The following NPTX2 variants were observed in gnomAD, a reference collection of about 807,000 sequenced individuals.
NPTX2 encodes neuronal pentraxin-2.
Under a neutral mutation model 38.1 loss-of-function variants are expected in NPTX2, and 23 were observed. The ratio of observed to expected loss-of-function variants is 0.60; its 90% CI spans 0.43 to 0.85. The LOEUF (loss-of-function observed/expected upper bound fraction) is 0.85. Ranked by LOEUF, NPTX2 falls within the 40% of genes least tolerant of loss-of-function variation. The pLI is 0.00. For synonymous variants in NPTX2, 291 were observed against 287.3 expected (o/e 1.01, Z -0.13); for missense variants, 553 against 615.3 (o/e 0.90, Z 1.07).
At position 98,619,856 on chromosome 7, in the gene NPTX2, C is replaced by T. The variant is rs759172588; in HGVS notation, c.640C>T (p.Arg214Ter). 2 of 1,613,334 alleles carry T rather than the reference C, an allele frequency of 1.2e-6. No homozygotes were observed. The highest frequency in any genetic ancestry group is 8.5e-7 in the Non-Finnish European group (1 of 1,179,764). Residue 214 changes from arginine to a stop codon, truncating the protein, a stop_gained, in exon 2 of 5, where the codon CGA (arginine) becomes TGA (stop). Coordinates refer to ENST00000265634, the MANE Select transcript of NPTX2 (RefSeq NM_002523.3). LOFTEE classifies it high-confidence loss of function. ...ALLQRVTELE[R>*]GNSAFKSPDA... ...GCTGCAGAGGGTCACCGAGCTGGAG[C>T]GAGGTGTGTGCCTGGCCTGTTTCTC...
At chr7:98,624,890 C>A in intron 2 of NPTX2, 32 bp from the exon 3 acceptor site, 1 of 1,592,468 alleles carries the variant, frequency 6.3e-7, no homozygotes, top group Admixed American at 1.7e-5. Flanking sequence ...TGGCCTAACG[C>A]ACTCCTGGCC....
Position 98,619,908 on chromosome 7 carries a change from A to G in NPTX2, c.643+49A>G, listed in dbSNP as rs753749984. On this transcript the variant is annotated intron_variant, in intron 2 of 4. Transcript: ENST00000265634. The stretch of plus-strand genomic sequence containing the variant: ...GTCTGGCAGTGGCCTGATTTTCACC[A>G]CTTGTGGTCAGACATGCGATTCTGG... 2.2e-5 allele frequency: 33 copies of G among 1,525,748 alleles called. No individual in the cohort carries two copies. The Admixed American group carries it at 4.5e-4, about 21-fold the overall frequency. The allele number at this position is 1,525,748 out of a possible 1,614,324, so 94.5% of individuals were successfully genotyped here. A position where few individuals can be genotyped will look rare whatever the true frequency, so the allele number is the denominator to read the frequency against.
In NPTX2 at chr7:98,628,673, A is replaced by C; in HGVS notation, c.*44A>C. On this transcript the variant is annotated 3_prime_UTR_variant, in exon 5 of 5. Transcript: ENST00000265634. ...AGGAGGCCGGGATCAGGCTGTTGCC[A>C]TGGAAGTTCAGGGCCATAGACTGCC... 2 of 967,080 alleles carry C rather than the reference A, an allele frequency of 2.1e-6. No individual in the cohort carries two copies. The highest frequency in any genetic ancestry group is 3.1e-6 in the Non-Finnish European group (2 of 645,186). The allele number at this position is 967,080 out of a possible 1,614,324, so 59.9% of individuals were successfully genotyped here.
chr7:98,623,530 G>A (rs967354538), intron 2 of NPTX2, among the ~76,000 whole-genome samples: 6 of 152,164 alleles, frequency 3.9e-5, no homozygotes, highest in Non-Finnish European at 7.3e-5. Context: ...AGACACCTGC[G>A]GTTGCCCTGC....
At chr7:98,619,051 C>T (rs1367148331) in intron 1 of NPTX2, among the ~76,000 whole-genome samples, 2 of 152,156 alleles carry the variant, frequency 1.3e-5, no homozygotes, top group African/African-American at 4.8e-5. Flanking sequence ...CATGGGTAGG[C>T]AGCCTGCCAC....
At chr7:98,622,163 G>A (rs1450226985) in intron 2 of NPTX2, among the ~76,000 whole-genome samples, 3 of 152,202 alleles carry the variant, frequency 2.0e-5, no homozygotes, top group Admixed American at 1.3e-4. Flanking sequence ...GCCCCAGGCT[G>A]CCCACCCCCT....
At chr7:98,626,829 CTCG>C (rs1791358263) in intron 3 of NPTX2, among the ~76,000 whole-genome samples, 1 of 152,210 alleles carries the variant, frequency 6.6e-6, no homozygotes, top group African/African-American at 2.4e-5. Flanking sequence ...ATGAGGATCT[CTCG>C]TCTGTTTTCC....
chr7:98,617,519 A>G lies in NPTX2; in HGVS notation c.58A>G (p.Ser20Gly). Residue 20 changes from serine to glycine, a missense_variant, in exon 1 of 5, where the codon AGC becomes GGC. Coordinates refer to ENST00000265634, the MANE Select transcript of NPTX2 (RefSeq NM_002523.3). ...ALAVAAGAQDSPAPGSRFVCT... is the reference protein window; with the variant it reads ...ALAVAAGAQDGPAPGSRFVCT... ...CGCCGTGGCCGCTGGGGCCCAGGAC[A>G]GCCCGGCGCCCGGTAGCCGCTTCGT... The G allele has an allele frequency of 7.2e-7, 1 of 1,394,286 alleles. No individual in the cohort carries two copies. 86.4% of individuals were successfully genotyped at this position (1,394,286 alleles called of 1,614,324 possible).
chr7:98,619,709 C>G lies in NPTX2; in HGVS notation c.493C>G (p.Arg165Gly). 1 of 1,613,244 alleles carries G rather than the reference C, an allele frequency of 6.2e-7. No individual in the cohort carries two copies. Among genetic ancestry groups the G allele is most frequent in the Non-Finnish European group, 8.5e-7 (1 of 1,180,018 alleles). Reference sequence around the variant, plus strand: ...CGACTTCCGCGAGGTGCTCCAGCAGCGGCTGGGGGAGCTGGAGAGGCAGCT... The same window carrying G: ...CGACTTCCGCGAGGTGCTCCAGCAGGGGCTGGGGGAGCTGGAGAGGCAGCT... ...PGDFREVLQQ[R>G]LGELERQLLR... is the part of the protein sequence containing the mutation. Residue 165 changes from arginine to glycine, a missense_variant, in exon 2 of 5, where the codon CGG (arginine) becomes GGG (glycine). By Grantham distance (125) the Arg-to-Gly change is moderately radical (BLOSUM62 -2). Transcript: ENST00000265634.
rs1791322355 is a variant in NPTX2 at position 98,624,907 on chromosome 7, C to T, written c.644-15C>T. The T allele has an allele frequency of 1.2e-6, 2 of 1,601,644 alleles. No individual in the cohort carries two copies. The highest frequency in any genetic ancestry group is 1.7e-6 in the Non-Finnish European group (2 of 1,170,632). ...GCCTAACGCACTCCTGGCCTCTCTT[C>T]CTCCCAACCCCCAGGCAATAGCGCC... On this transcript the variant is annotated splice_polypyrimidine_tract_variant and intron_variant, in intron 2 of 4. Coordinates refer to ENST00000265634, the MANE Select transcript of NPTX2 (RefSeq NM_002523.3).
In NPTX2 at chr7:98,617,618, C is replaced by T. The variant is rs1382950707; in HGVS notation, c.157C>T (p.Gln53Ter). The stretch of plus-strand genomic sequence containing the variant: ...CGCGATGCCCATGCAGGGCGGCGCG[C>T]AGAGTCCCGAGGAGGAGCTGAGGGC... Reference protein sequence around the residue: ...LPAMPMQGGAQSPEEELRAAV... With the variant: ...LPAMPMQGGA The change falls in exon 1 of 5, where the codon CAG (glutamine) becomes TAG (stop). Residue 53 changes from glutamine to a stop codon, truncating the protein, a stop_gained. Transcript: ENST00000265634. LOFTEE classifies it high-confidence loss of function. 3 of 1,491,116 alleles carry T rather than the reference C, an allele frequency of 2.0e-6. No individual in the cohort carries two copies. Among genetic ancestry groups the T allele is most frequent in the East Asian group, 2.8e-5 (1 of 35,254 alleles). The allele number at this position is 1,491,116 out of a possible 1,614,324, so 92.4% of individuals were successfully genotyped here. A position where few individuals can be genotyped will look rare whatever the true frequency, so the allele number is the denominator to read the frequency against.
rs190931156 is a variant in NPTX2, at chr7:98,626,514, G to A, written c.889-651G>A. ...ACCCTATGACACAGTGGGGCTAAGA[G>A]CCTTGTTGTCCTCTGGGTTTGGACG... On this transcript the variant is annotated intron_variant, in intron 3 of 4. Coordinates refer to ENST00000265634, the MANE Select transcript of NPTX2 (RefSeq NM_002523.3). Among the ~76,000 whole-genome samples, 39 of 152,330 alleles carry A rather than the reference G, an allele frequency of 2.6e-4. 1 individual carries two copies. In the East Asian group the frequency reaches 7.1e-3, roughly 28 times the overall value.
At chr7:98,626,044 G>A (rs551484265) in intron 3 of NPTX2, among the ~76,000 whole-genome samples, 11 of 151,748 alleles carry the variant, frequency 7.2e-5, no homozygotes, top group Admixed American at 1.3e-4. Flanking sequence ...TACTCGGGAG[G>A]CTGAGGCAGG....
rs1458714911 is a variant in NPTX2 at position 98,627,273 on chromosome 7, G to A, written c.997G>A (p.Gly333Ser). 1 of 1,613,932 alleles carries A rather than the reference G, an allele frequency of 6.2e-7. No homozygotes were observed. Among genetic ancestry groups the A allele is most frequent in the Non-Finnish European group, 8.5e-7 (1 of 1,179,858 alleles). ...WEAFQDGEKL[G>S]TGENLAPWHP... Reference sequence around the variant, plus strand: ...GGCATTCCAGGACGGAGAGAAGCTGGGCACTGGGGAGAACCTGGCCCCCTG... The same window carrying A: ...GGCATTCCAGGACGGAGAGAAGCTGAGCACTGGGGAGAACCTGGCCCCCTG... The change falls in exon 4 of 5, where the codon GGC becomes AGC. Residue 333 changes from glycine (G) to serine (S), a missense_variant. Transcript: ENST00000265634.
chr7:98,617,438 G>A lies in NPTX2; in HGVS notation c.-24G>A. On this transcript the variant is annotated 5_prime_UTR_variant, in exon 1 of 5. Coordinates refer to ENST00000265634, the MANE Select transcript of NPTX2 (RefSeq NM_002523.3). ...GACGGCGCCCGCTCGCCCATGCCGA[G>A]CTGAGCGCGGCAGCGGCGGCGGGAT... The A allele has an allele frequency of 1.1e-6, 1 of 898,006 alleles. No individual in the cohort carries two copies. Among genetic ancestry groups the A allele is most frequent in the Non-Finnish European group, 1.4e-6 (1 of 693,948 alleles). 55.6% of individuals were successfully genotyped at this position (898,006 alleles called of 1,614,324 possible). A position where few individuals can be genotyped will look rare whatever the true frequency, so the allele number is the denominator to read the frequency against.
intron 3 of NPTX2, among the ~76,000 whole-genome samples, chr7:98,626,950 G>A (rs944201853): frequency 2.0e-5 from 3 of 152,306 alleles, no homozygotes; most frequent in South Asian, 2.1e-4. Context: ...CCTCAGCCAC[G>A]CCAGGCACCA....
rs1308263200 is a variant in NPTX2, at chr7:98,628,567, G to A, written c.1234G>A (p.Val412Met). The change falls in exon 5 of 5, where the codon GTG becomes ATG. Residue 412 changes from valine (V) to methionine (M), a missense_variant. By Grantham distance (21) the Val-to-Met change is conservative. Transcript: ENST00000265634. ...CCCGTGGGTGGACAATAACGTCGATGTGTTCGGAGGGGCCTCCAAGTGGCC... is the reference window on the plus strand; with the variant it reads ...CCCGTGGGTGGACAATAACGTCGATATGTTCGGAGGGGCCTCCAAGTGGCC... The part of the protein sequence containing the change: ...IIPWVDNNVD[V>M]FGGASKWPVE... 1.2e-6 allele frequency: 2 copies of A among 1,608,940 alleles called. No individual in the cohort carries two copies. Among genetic ancestry groups the A allele is most frequent in the Non-Finnish European group, 1.7e-6 (2 of 1,176,894 alleles).
In NPTX2 at chr7:98,617,550, C is replaced by T; in HGVS notation, c.89C>T (p.Thr30Met). The T allele has an allele frequency of 6.9e-7, 1 of 1,452,734 alleles. No homozygotes were observed. The highest frequency in any genetic ancestry group is 9.0e-7 in the Non-Finnish European group (1 of 1,107,512). The allele number at this position is 1,452,734 out of a possible 1,614,324, so 90.0% of individuals were successfully genotyped here. Residue 30 changes from threonine to methionine, a missense_variant, in exon 1 of 5, where the codon ACG (threonine) becomes ATG (methionine). Thr to Met is a moderately conservative substitution (Grantham distance 81). Transcript: ENST00000265634. ...GCGCCCGGTAGCCGCTTCGTGTGCA[C>T]GGCACTGCCCCCAGAGGCGGTGCAC... ...SPAPGSRFVC[T>M]ALPPEAVHAG...
At position 98,619,679 on chromosome 7, in the gene NPTX2, C is replaced by G; in HGVS notation, c.463C>G (p.Pro155Ala). Residue 155 changes from proline (P) to alanine (A), a missense_variant, in exon 2 of 5, where the codon CCC becomes GCC. Coordinates refer to ENST00000265634, the MANE Select transcript of NPTX2 (RefSeq NM_002523.3). ...LRANVSNAGL[P>A]GDFREVLQQR... The stretch of plus-strand genomic sequence containing the variant: ...AGCAAACGTGTCCAATGCTGGGCTG[C>G]CCGGCGACTTCCGCGAGGTGCTCCA... 1.9e-6 allele frequency: 3 copies of G among 1,613,388 alleles called. No individual in the cohort carries two copies. Among genetic ancestry groups the G allele is most frequent in the Non-Finnish European group, 2.5e-6 (3 of 1,180,026 alleles).
Sources: gnomAD v4.1 joint callset for allele counts (sites outside exome capture counted in the v4.1 genomes callset) on GRCh38, gnomAD v4.1.1 for gene constraint, MANE v1.5 for transcripts, NCBI Gene and HGNC (gene_info 2026-07-23, HGNC 2026-07-21) for gene names.